UTRN: variants seen among roughly 807,000 people sequenced by gnomAD.
The protein encoded by UTRN is dystrophin-related protein 1.
A neutral mutation model predicts 463.9 loss-of-function variants in UTRN; 283 were observed. That is an observed-to-expected ratio of 0.61 (90% CI 0.55 to 0.67). The LOEUF is 0.67. UTRN is among the 30% of genes least tolerant of loss of function. The probability of loss-of-function intolerance (pLI) is 0.00; values close to 1 mark genes in which losing one functional copy is unlikely to be tolerated. For synonymous variants in UTRN, 1,442 were observed against 1,431.5 expected (o/e 1.01, Z -0.17); for missense variants, 3,922 against 4,084.3 (o/e 0.96, Z 1.08).
chr6:144,511,506 G>A (rs950066802), intron 35 of UTRN, among the ~76,000 whole-genome samples: 4 of 152,042 alleles, frequency 2.6e-5, no homozygotes, highest in Admixed American at 1.3e-4. Flanking sequence ...AGCATCTGAC[G>A]GCCTATGTAA....
At chr6:144,331,261 A>T (rs937859467) in intron 2 of UTRN, among the ~76,000 whole-genome samples, 8 of 152,200 alleles carry the variant, frequency 5.3e-5, no homozygotes, top group African/African-American at 1.9e-4. Flanking sequence ...CATTTTCTAA[A>T]TATGATTTAT....
chr6:144,839,344 T>A (rs1781365864), intron 72 of UTRN, 60 bp downstream of exon 72: 2 of 1,395,088 alleles, frequency 1.4e-6, no homozygotes, highest in African/African-American at 2.8e-5. Context: ...GCCATTAGTT[T>A]GTGTTTCCTG....
chr6:144,497,550 A>G (rs900654005), intron 33 of UTRN, among the ~76,000 whole-genome samples: 4 of 151,164 alleles, frequency 2.6e-5, no homozygotes, highest in Non-Finnish European at 4.4e-5. Flanking sequence ...GTGTGGTAGT[A>G]TGTGCCTGTA....
intron 18 of UTRN, among the ~76,000 whole-genome samples, chr6:144,452,489 AT>A (rs1788423158): frequency 6.6e-6 from 1 of 152,154 alleles, no homozygotes; most frequent in African/African-American, 2.4e-5. Context: ...ATGAGAGAAA[AT>A]TCAAATACCG....
intron 17 of UTRN, among the ~76,000 whole-genome samples, 155 bp downstream of exon 17, chr6:144,448,924 CT>C (rs1310617087): frequency 1.3e-5 from 2 of 152,174 alleles, no homozygotes; most frequent in African/African-American, 4.8e-5. Flanking sequence ...CTCACTGCCC[CT>C]GTCTTCTGAA....
At chr6:144,843,676 C>T (rs1781785128) in intron 73 of UTRN, among the ~76,000 whole-genome samples, 2 of 152,164 alleles carry the variant, frequency 1.3e-5, no homozygotes, top group South Asian at 4.1e-4. Flanking sequence ...CCCCTCTTCA[C>T]CAATGTCATT....
chr6:144,545,572 A>G (rs1477308848), intron 46 of UTRN, among the ~76,000 whole-genome samples: 1 of 152,188 alleles, frequency 6.6e-6, no homozygotes, highest in Admixed American at 6.5e-5. Flanking sequence ...CTTCTCTTAG[A>G]TATTTTCATG....
intron 14 of UTRN, among the ~76,000 whole-genome samples, chr6:144,445,459 T>C (rs1465884596): frequency 6.6e-6 from 1 of 151,998 alleles, no homozygotes; most frequent in African/African-American, 2.4e-5. Context: ...CTATATTCTC[T>C]TCAGGGGAAA....
chr6:144,830,203 A>G (rs1780544218), intron 69 of UTRN, among the ~76,000 whole-genome samples: 1 of 152,198 alleles, frequency 6.6e-6, no homozygotes, highest in Non-Finnish European at 1.5e-5. Flanking sequence ...ATAGGAATAA[A>G]TACTATTTTC....
At chr6:144,401,271 A>G (rs1409155288) in intron 2 of UTRN, among the ~76,000 whole-genome samples, 1 of 152,238 alleles carries the variant, frequency 6.6e-6, no homozygotes, top group East Asian at 1.9e-4. Context: ...TAGTGGGACA[A>G]ATAATTGGAT....
At chr6:144,347,882 T>C (rs2114648713) in intron 2 of UTRN, among the ~76,000 whole-genome samples, 1 of 149,194 alleles carries the variant, frequency 6.7e-6, no homozygotes, top group African/African-American at 2.6e-5. Context: ...CTCGCTGTGT[T>C]GCCCAGCCTG....
At position 144,690,074 on chromosome 6, in the gene UTRN, G is replaced by GTT. The variant is rs1554339291; in HGVS notation, c.7653-9992_7653-9991dup. 1.9e-3 allele frequency among the ~76,000 whole-genome samples: 59 copies of GTT among 31,278 alleles called. 18 individuals are homozygous for GTT. Among genetic ancestry groups the GTT allele is most frequent in the South Asian group, 7.6e-3 (4 of 524 alleles). The allele number at this position is 31,278 out of a possible 152,430, so 20.5% of individuals were successfully genotyped here. On this transcript the variant is annotated intron_variant, in intron 52 of 74. Coordinates refer to ENST00000367545, the MANE Select transcript of UTRN (RefSeq NM_007124.3). ...GGCCATAGAGCTCCCAAAAGTTTCT[G>GTT]TTTTTTTTTTTTTTTTTTTTTTGTG... is the stretch of plus-strand genomic sequence containing the variant.
At chr6:144,766,952 G>T (rs1404854966) in intron 58 of UTRN, among the ~76,000 whole-genome samples, 1 of 152,110 alleles carries the variant, frequency 6.6e-6, no homozygotes, top group Non-Finnish European at 1.5e-5. Flanking sequence ...CTCAGTTAAA[G>T]GGGAGATAGG....
chr6:144,406,619 G>A (rs1168948798), intron 3 of UTRN, among the ~76,000 whole-genome samples: 2 of 151,952 alleles, frequency 1.3e-5, no homozygotes, highest in African/African-American at 4.8e-5. Context: ...CGCCTGCCTC[G>A]ACCTCCCAAA....
intron 2 of UTRN, among the ~76,000 whole-genome samples, chr6:144,294,283 G>A (rs1024649232): frequency 5.9e-5 from 9 of 152,266 alleles, no homozygotes; most frequent in African/African-American, 1.7e-4. Flanking sequence ...TGTTGCAAAA[G>A]CCAGTAGATA....
In UTRN at chr6:144,846,404, C is replaced by T. The variant is rs553768038; in HGVS notation, c.10271-401C>T. ...AAGGGTGGGTCAAGAGAGGCAGAAA[C>T]CAAAGACTTATGCCTTCAGTGGTCC... On this transcript the variant is annotated intron_variant, in intron 73 of 74. Transcript: ENST00000367545. 2.6e-5 allele frequency among the ~76,000 whole-genome samples: 4 copies of T among 152,260 alleles called. No individual in the cohort carries two copies. In the South Asian group the frequency reaches 8.3e-4, roughly 32 times the overall value.
chr6:144,352,733 GGTC>G (rs1778219398), intron 2 of UTRN, among the ~76,000 whole-genome samples: 3 of 152,096 alleles, frequency 2.0e-5, no homozygotes. Context: ...AAAAATAAAA[GGTC>G]GTTCAAGGTA....
intron 50 of UTRN, 122 bp from the exon 51 acceptor site, chr6:144,576,977 T>G: frequency 1.2e-6 from 1 of 805,780 alleles, no homozygotes; most frequent in Non-Finnish European, 1.9e-6. Context: ...CAGTTACCTA[T>G]GGTGACTTGA....
chr6:144,510,978 A>G lies in UTRN; in HGVS notation c.4799A>G (p.Asp1600Gly). ...AAGGATCTGGAAAAGAGAAAAGCTGATTTAAATACCATCACAGAGAGTAGT... is the reference window on the plus strand; with the variant it reads ...AAGGATCTGGAAAAGAGAAAAGCTGGTTTAAATACCATCACAGAGAGTAGT... Reference protein sequence around the residue: ...VLKDLEKRKADLNTITESSAA... With the variant: ...VLKDLEKRKAGLNTITESSAA... Residue 1600 changes from aspartate to glycine, a missense_variant, in exon 35 of 75, where the codon GAT (aspartate) becomes GGT (glycine). Around this residue, in one of 3 missense-constraint regions of UTRN, gnomAD observed 2,349 missense variants for 2,303.8 expected, o/e 1.02. Transcript: ENST00000367545. 1 of 1,607,280 alleles carries G rather than the reference A, an allele frequency of 6.2e-7. No homozygotes were observed. The highest frequency in any genetic ancestry group is 1.1e-5 in the South Asian group (1 of 90,138).
Sources: gnomAD v4.1 joint callset for allele counts (sites outside exome capture counted in the v4.1 genomes callset) on GRCh38, gnomAD v4.1.1 for gene constraint, gnomAD v4.1.1 regional missense constraint, MANE v1.5 for transcripts, NCBI Gene and HGNC (gene_info 2026-07-23, HGNC 2026-07-21) for gene names.